REXO1: variants seen among roughly 807,000 people sequenced by gnomAD.
The protein encoded by REXO1 is REX1, RNA exonuclease 1 homolog.
Under a neutral mutation model 102.6 loss-of-function variants are expected in REXO1, and 42 were observed. That is an observed-to-expected ratio of 0.41 (90% CI 0.32 to 0.53). REXO1 has a LOEUF of 0.53. REXO1 is among the 20% of genes least tolerant of loss of function. REXO1 has a pLI of 0.27. For synonymous variants in REXO1, 908 were observed against 779.1 expected (o/e 1.17, Z -2.76); for missense variants, 1,819 against 1,732.5 (o/e 1.05, Z -0.89).
chr19:1,845,749 C>G (rs532517236), intron 1 of REXO1, among the ~76,000 whole-genome samples: 1 of 152,204 alleles, frequency 6.6e-6, no homozygotes, highest in South Asian at 2.1e-4. Context: ...CAGTGCTGCT[C>G]AAGGTCGCCA....
At chr19:1,817,193 C>T (rs942074146) in intron 12 of REXO1, 26 bp downstream of exon 12, 4 of 1,609,104 alleles carry the variant, frequency 2.5e-6, no homozygotes, top group South Asian at 2.2e-5. Flanking sequence ...ATCCTGAACC[C>T]GACGCTGGGC....
intron 1 of REXO1, among the ~76,000 whole-genome samples, chr19:1,835,894 G>A (rs1006927612): frequency 6.6e-6 from 1 of 152,192 alleles, no homozygotes; most frequent in Non-Finnish European, 1.5e-5. Context: ...GGGCAACGCA[G>A]CCCAGCCTTG....
intron 1 of REXO1, among the ~76,000 whole-genome samples, chr19:1,845,325 T>C (rs1242370620): frequency 6.6e-6 from 1 of 152,222 alleles, no homozygotes; most frequent in African/African-American, 2.4e-5. Flanking sequence ...TAAGGGCTGC[T>C]GGACCATCCC....
intron 5 of REXO1, 35 bp from the exon 6 acceptor site, chr19:1,820,430 C>T: frequency 6.2e-7 from 1 of 1,608,912 alleles, no homozygotes. Context: ...TGGGTGAGGG[C>T]CTCCACAAGG....
Position 1,815,844 on chromosome 19 carries a change from G to C in REXO1, c.*222C>G. 1 of 1,521,012 alleles carries C rather than the reference G, an allele frequency of 6.6e-7. No individual in the cohort carries two copies. Among genetic ancestry groups the C allele is most frequent in the Non-Finnish European group, 8.8e-7 (1 of 1,138,056 alleles). The allele number at this position is 1,521,012 out of a possible 1,614,324, so 94.2% of individuals were successfully genotyped here. ...TCAGCAGCAGTTTCTAGAGACGCCA[G>C]AGGGCTGGGGGGCAGAGGGTGGGGA... On this transcript the variant is annotated 3_prime_UTR_variant, in exon 16 of 16. Transcript: ENST00000170168. This position sits in a 1 kb window ranked among gnomAD's most constrained non-coding sequence, Gnocchi z 4.0.
intron 1 of REXO1, among the ~76,000 whole-genome samples, chr19:1,837,552 A>C (rs1055319501): frequency 6.6e-6 from 1 of 152,136 alleles, no homozygotes; most frequent in Non-Finnish European, 1.5e-5. Context: ...GCAGCTTCCA[A>C]TACCCTCTCT....
At chr19:1,820,111 C>T (rs2069487104) in intron 6 of REXO1, 54 bp from the exon 7 acceptor site, 1 of 1,577,656 alleles carries the variant, frequency 6.3e-7, no homozygotes, top group South Asian at 1.2e-5. Context: ...GCCGGGGAGC[C>T]CCAGCGGTGG....
Position 1,825,934 on chromosome 19 carries a change from C to T in REXO1, c.1921G>A (p.Glu641Lys). The T allele has an allele frequency of 6.3e-7, 1 of 1,594,718 alleles. No homozygotes were observed. Among genetic ancestry groups the T allele is most frequent in the Non-Finnish European group, 8.6e-7 (1 of 1,164,528 alleles). ...AGCCCCTTCTCCTCACTCTTCTCTTCCTTGGGGGGCTAAGACACATGTCCG... is the reference window on the plus strand; with the variant it reads ...AGCCCCTTCTCCTCACTCTTCTCTTTCTTGGGGGGCTAAGACACATGTCCG... ...RGRLARQPPK[E>K]EKSEEKGLSG... is the part of the protein sequence containing the mutation. Residue 641 changes from glutamate (E) to lysine (K), a missense_variant, in exon 3 of 16, where the codon GAA becomes AAA. Physicochemically the swap from Glu to Lys is moderately conservative, Grantham distance 56. Coordinates refer to ENST00000170168, the MANE Select transcript of REXO1 (RefSeq NM_020695.4).
At chr19:1,832,886 A>C (rs2069942740) in intron 1 of REXO1, among the ~76,000 whole-genome samples, 1 of 143,914 alleles carries the variant, frequency 6.9e-6, no homozygotes, top group Admixed American at 7.3e-5. Flanking sequence ...ACTACACTCC[A>C]GCCTGGCGAC....
At chr19:1,837,337 C>T (rs548574165) in intron 1 of REXO1, among the ~76,000 whole-genome samples, 179 of 152,306 alleles carry the variant, frequency 1.2e-3, no homozygotes, top group African/African-American at 4.2e-3. Context: ...CCAGCCCCAT[C>T]CTTGGACATG....
At chr19:1,831,286 T>C (rs901043648) in intron 1 of REXO1, among the ~76,000 whole-genome samples, 19 of 152,238 alleles carry the variant, frequency 1.2e-4, no homozygotes, top group Admixed American at 3.9e-4. Context: ...GACTTGATTC[T>C]GACTGAACGT....
Position 1,827,320 on chromosome 19 carries a change from C to T in REXO1, c.1469G>A (p.Gly490Glu). 6.4e-7 allele frequency: 1 copy of T among 1,558,688 alleles called. No individual in the cohort carries two copies. The highest frequency in any genetic ancestry group is 8.6e-7 in the Non-Finnish European group (1 of 1,157,044). Residue 490 changes from glycine to glutamate, a missense_variant, in exon 2 of 16, where the codon GGG (glycine) becomes GAG (glutamate). Coordinates refer to ENST00000170168, the MANE Select transcript of REXO1 (RefSeq NM_020695.4). ...PDRKSTKAPS[G>E]KLVERKARSL... ...GCGGGCTTTCCGCTCCACTAGCTTC[C>T]CCGACGGGGCCTTGGTGCTCTTCCT...
At chr19:1,817,884 C>T in intron 10 of REXO1, 104 bp from the exon 11 acceptor site, 1 of 904,086 alleles carries the variant, frequency 1.1e-6, no homozygotes, top group South Asian at 1.5e-5. Context: ...GGAGTGAGGA[C>T]TGAGGACAGG....
chr19:1,847,534 C>T (rs1157136304), intron 1 of REXO1, among the ~76,000 whole-genome samples: 2 of 152,196 alleles, frequency 1.3e-5, no homozygotes, highest in African/African-American at 2.4e-5. Flanking sequence ...AATCCCACAT[C>T]TCCTCCAAGA....
intron 1 of REXO1, among the ~76,000 whole-genome samples, chr19:1,842,213 CAA>C (rs566792887): frequency 2.7e-3 from 203 of 76,482 alleles, no homozygotes; most frequent in African/African-American, 6.5e-3. Flanking sequence ...GATTCCGTTG[CAA>C]AAAAAAAAAA....
Position 1,819,145 on chromosome 19 carries a change from A to AGG in REXO1, c.2651-16_2651-15dup, listed in dbSNP as rs766577285. 2.8e-5 allele frequency: 43 copies of AGG among 1,546,634 alleles called. 1 individual carries two copies. The South Asian group carries it at 5.2e-4, about 19-fold the overall frequency. Reference sequence around the variant, plus strand: ...GGCCACTGGTTTCTGGAAGGAAGGGAGGGAGGGGAGGAGGGTGTGAAGTAG... The same window carrying AGG: ...GGCCACTGGTTTCTGGAAGGAAGGGAGGGGGAGGGGAGGAGGGTGTGAAGTAG... On this transcript the variant is annotated splice_polypyrimidine_tract_variant and intron_variant, in intron 7 of 15. Coordinates refer to ENST00000170168, the MANE Select transcript of REXO1 (RefSeq NM_020695.4).
rs754406008 is a variant in REXO1 at position 1,817,441 on chromosome 19, C to A, written c.3091-112G>T. 23 of 1,515,572 alleles carry A rather than the reference C, an allele frequency of 1.5e-5. No homozygotes were observed. The Admixed American group carries it at 4.2e-4, about 28-fold the overall frequency. The allele number at this position is 1,515,572 out of a possible 1,614,324, so 93.9% of individuals were successfully genotyped here. ...GACCATCCTATCCATCCATCACGCC[C>A]ATTCACTGGTTGGGACCCTGGTGAG... is the stretch of plus-strand genomic sequence containing the variant. On this transcript the variant is annotated intron_variant, in intron 11 of 15. Transcript: ENST00000170168.
At chr19:1,837,850 G>C (rs975634862) in intron 1 of REXO1, among the ~76,000 whole-genome samples, 1 of 152,192 alleles carries the variant, frequency 6.6e-6, no homozygotes, top group South Asian at 2.1e-4. Context: ...CGGCCTGACC[G>C]GGGACCACCA....
intron 1 of REXO1, among the ~76,000 whole-genome samples, chr19:1,841,480 C>T (rs2011276164): frequency 6.6e-6 from 1 of 152,242 alleles, no homozygotes; most frequent in South Asian, 2.1e-4. Flanking sequence ...ATGCCACGAC[C>T]CCATCGTGCA....
Sources: allele counts gnomAD v4.1 joint callset (sites outside exome capture counted in the v4.1 genomes callset), GRCh38; gene constraint gnomAD v4.1.1; non-coding constraint Gnocchi (gnomAD v3.1); transcripts MANE v1.5; gene names NCBI Gene and HGNC (gene_info 2026-07-23, HGNC 2026-07-21).